Variants in ROBO1 observed in about 807,000 individuals in gnomAD.
The protein encoded by ROBO1 is roundabout homolog 1.
ROBO1 carries 149 observed loss-of-function variants against 195.9 expected under a neutral mutation model. The observed-to-expected ratio is 0.76, with a 90% confidence interval of 0.67 to 0.87. The LOEUF is 0.87. ROBO1 is among the 40% of genes least tolerant of loss of function. The probability of loss-of-function intolerance (pLI) is 0.00; values close to 1 mark genes in which losing one functional copy is unlikely to be tolerated. For synonymous variants in ROBO1, 816 were observed against 733.2 expected (o/e 1.11, Z -1.82); for missense variants, 1,933 against 2,068.3 (o/e 0.93, Z 1.27).
chr3:79,398,146 G>C (rs12637529), intron 2 of ROBO1, among the ~76,000 whole-genome samples: 10,026 of 151,956 alleles, frequency 0.066, 399 homozygotes, highest in East Asian at 0.14. Context: ...AGAGATGTCT[G>C]CCCTGTTCTC....
At chr3:79,118,248 T>G (rs1213393493) in intron 3 of ROBO1, among the ~76,000 whole-genome samples, 1 of 151,888 alleles carries the variant, frequency 6.6e-6, no homozygotes, top group Non-Finnish European at 1.5e-5. Context: ...TTTTTTTTTT[T>G]TTGCAATTTT....
At chr3:78,916,833 A>G (rs1464661936) in intron 4 of ROBO1, among the ~76,000 whole-genome samples, 1 of 152,014 alleles carries the variant, frequency 6.6e-6, no homozygotes, top group African/African-American at 2.4e-5. Context: ...CAGGTATTCT[A>G]TTTTTGAAGA....
intron 3 of ROBO1, among the ~76,000 whole-genome samples, chr3:79,116,898 A>G (rs1196604349): frequency 6.6e-6 from 1 of 152,192 alleles, no homozygotes; most frequent in African/African-American, 2.4e-5. Context: ...GTACTATTAT[A>G]AAGTTTGTAT....
At chr3:79,659,978 A>G (rs1946282495) in intron 1 of ROBO1, among the ~76,000 whole-genome samples, 1 of 152,092 alleles carries the variant, frequency 6.6e-6, no homozygotes, top group Admixed American at 6.6e-5. Context: ...TCCCTCAAAG[A>G]GACTACATGG....
rs1268682887 is a variant in ROBO1, at chr3:78,597,709, A to C, written c.*1204T>G. On this transcript the variant is annotated 3_prime_UTR_variant, in exon 31 of 31. Transcript: ENST00000464233. ...TGTAGGTTTCGACATTGGCCACAAC[A>C]AACTTAAACCTCTTTTTTTCTTTAA... is the stretch of plus-strand genomic sequence containing the variant. The C allele has an allele frequency of 6.6e-6, 1 of 152,478 alleles. No homozygotes were observed. The highest frequency in any genetic ancestry group is 2.4e-5 in the African/African-American group (1 of 41,424). The allele number at this position is 152,478 out of a possible 1,614,324, so 9.4% of individuals were successfully genotyped here.
intron 1 of ROBO1, among the ~76,000 whole-genome samples, chr3:79,751,411 A>G (rs1284799178): frequency 6.6e-6 from 1 of 152,162 alleles, no homozygotes; most frequent in Admixed American, 6.6e-5. Context: ...GGATAGTCAT[A>G]TTTTCTACTA....
At chr3:78,652,463 G>C (rs1706728564) in intron 18 of ROBO1, among the ~76,000 whole-genome samples, 1 of 152,024 alleles carries the variant, frequency 6.6e-6, no homozygotes, top group South Asian at 2.1e-4. Flanking sequence ...CTCTATGTGT[G>C]TGCATGTGTG....
At chr3:79,556,122 CTT>C (rs1942690096) in intron 2 of ROBO1, among the ~76,000 whole-genome samples, 1 of 151,910 alleles carries the variant, frequency 6.6e-6, no homozygotes, top group South Asian at 2.1e-4. Context: ...TACCTTTAAT[CTT>C]TTATCTTTTA....
chr3:79,006,513 T>C (rs922862388), intron 3 of ROBO1, among the ~76,000 whole-genome samples: 5 of 152,064 alleles, frequency 3.3e-5, no homozygotes, highest in African/African-American at 1.2e-4. Context: ...CAAGCGCTTA[T>C]TATTATTATT....
At chr3:78,906,687 T>C (rs1253175630) in intron 4 of ROBO1, among the ~76,000 whole-genome samples, 1 of 150,806 alleles carries the variant, frequency 6.6e-6, no homozygotes, top group East Asian at 1.9e-4. Flanking sequence ...CTCTTGACAA[T>C]TATGAGGACC....
In ROBO1 at chr3:79,735,224, TA is replaced by T. The variant is rs1454832970; in HGVS notation, c.-51+32527del. On this transcript the variant is annotated intron_variant, in intron 1 of 30. Transcript: ENST00000464233. ...CTTTAAGGCAACTTATTACTTCAAA[TA>T]GGTCTCTAATATCTCAAGAATTATC... 4.6e-5 allele frequency among the ~76,000 whole-genome samples: 7 copies of T among 152,316 alleles called. No homozygotes were observed. The East Asian group carries it at 1.4e-3, about 29-fold the overall frequency.
At chr3:79,266,243 T>C (rs1450934518) in intron 2 of ROBO1, among the ~76,000 whole-genome samples, 1 of 151,612 alleles carries the variant, frequency 6.6e-6, no homozygotes, top group Non-Finnish European at 1.5e-5. Flanking sequence ...CAGCGAGAGC[T>C]CAAATACATG....
intron 2 of ROBO1, among the ~76,000 whole-genome samples, chr3:79,497,362 T>G (rs548670651): frequency 6.6e-6 from 1 of 152,326 alleles, no homozygotes; most frequent in African/African-American, 2.4e-5. Flanking sequence ...CCTTAACATA[T>G]TTATACTTTA....
intron 8 of ROBO1, among the ~76,000 whole-genome samples, chr3:78,703,172 CT>C (rs2081460761): frequency 6.6e-6 from 1 of 152,038 alleles, no homozygotes; most frequent in Admixed American, 6.6e-5. Flanking sequence ...ACAAGAAGTT[CT>C]TTACTTTATT....
intron 2 of ROBO1, among the ~76,000 whole-genome samples, chr3:79,244,669 A>G (rs1458398848): frequency 6.6e-6 from 1 of 152,118 alleles, no homozygotes; most frequent in African/African-American, 2.4e-5. Flanking sequence ...TTTAGATCAA[A>G]GAACCAAGTT....
rs762887120 is a variant in ROBO1 at position 78,667,904 on chromosome 3, A to G, written c.1945T>C (p.Ser649Pro). 1 of 1,613,640 alleles carries G rather than the reference A, an allele frequency of 6.2e-7. No homozygotes were observed. The highest frequency in any genetic ancestry group is 8.5e-7 in the Non-Finnish European group (1 of 1,179,718). The change falls in exon 14 of 31, where the codon TCA becomes CCA. Residue 649 changes from serine (S) to proline (P), a missense_variant. Physicochemically the swap from Ser to Pro is moderately conservative, Grantham distance 74. Coordinates refer to ENST00000464233, the MANE Select transcript of ROBO1 (RefSeq NM_002941.4). Reference protein sequence around the residue: ...AYGISDPSQISDPVKTQDVLP... With the variant: ...AYGISDPSQIPDPVKTQDVLP... ...TTACCTTGTGTTTTCACTGGATCTG[A>G]TATTTGGCTTGGATCACTAATTCCA...
At chr3:79,441,052 T>G (rs2039039037) in intron 2 of ROBO1, among the ~76,000 whole-genome samples, 1 of 152,304 alleles carries the variant, frequency 6.6e-6, no homozygotes, top group South Asian at 2.1e-4. Flanking sequence ...CTTATTTTTT[T>G]ATTGTTATCC....
At chr3:79,686,441 G>A (rs1947116175) in intron 1 of ROBO1, among the ~76,000 whole-genome samples, 1 of 152,150 alleles carries the variant, frequency 6.6e-6, no homozygotes. Flanking sequence ...GTCCCTGTTT[G>A]CAGATGACAT....
At chr3:79,083,089 C>A (rs545709718) in intron 3 of ROBO1, among the ~76,000 whole-genome samples, 2 of 151,974 alleles carry the variant, frequency 1.3e-5, no homozygotes, top group East Asian at 3.9e-4. Flanking sequence ...CCCAGCTAGT[C>A]GGGAGGCTGA....
Sources: allele counts gnomAD v4.1 joint callset (sites outside exome capture counted in the v4.1 genomes callset), GRCh38; gene constraint gnomAD v4.1.1; transcripts MANE v1.5; gene names NCBI Gene and HGNC (gene_info 2026-07-23, HGNC 2026-07-21).